The following CR2 variants were observed in gnomAD, a reference collection of about 807,000 sequenced individuals.
The protein encoded by CR2 is complement C3d receptor 2.
A neutral mutation model predicts 123.0 loss-of-function variants in CR2; 96 were observed. The ratio of observed to expected loss-of-function variants is 0.78; its 90% CI spans 0.66 to 0.93. The LOEUF is 0.93. Among genes scored for constraint, CR2 ranks in the 40% least tolerant of loss-of-function variants. The pLI is 0.00. For missense variants in CR2, 1,258 were observed against 1,361.0 expected (o/e 0.92, Z 1.19); for synonymous variants, 484 against 469.5 (o/e 1.03, Z -0.40).
chr1:207,479,419 A>G (rs891353769), intron 17 of CR2, 139 bp downstream of exon 17: 31 of 658,768 alleles, frequency 4.7e-5, no homozygotes, highest in South Asian at 3.8e-4. Flanking sequence ...AAGATACTTC[A>G]ATGTACATGT....
Position 207,466,256 on chromosome 1 carries a change from T to C in CR2, c.59-270T>C, listed in dbSNP as rs375722280. On this transcript the variant is annotated intron_variant, in intron 1 of 19. Transcript: ENST00000367057. ...GTGCTGAATTTGCCTTTTGTTTCAT[T>C]ATTAAAATTGATTAGACTCAGAACT... Among the ~76,000 whole-genome samples the C allele has an allele frequency of 1.1e-4, 16 of 152,320 alleles. 1 individual carries two copies. Among genetic ancestry groups the C allele is most frequent in the Admixed American group, 4.6e-4 (7 of 15,288 alleles).
chr1:207,483,684 G>A (rs887714765), intron 18 of CR2, among the ~76,000 whole-genome samples: 23 of 152,030 alleles, frequency 1.5e-4, no homozygotes, highest in Non-Finnish European at 2.9e-5. Context: ...CACATAGAAT[G>A]GCTCACATGA....
rs867299711 is a variant in CR2 at position 207,489,850 on chromosome 1, G to C, written c.*727G>C. On this transcript the variant is annotated 3_prime_UTR_variant, in exon 20 of 20. Transcript: ENST00000367057. Reference sequence around the variant, plus strand: ...CTTGTAAAATTTCACTTAATAATGTGTACATTAGTCATTCAATAAATTGTA... The same window carrying C: ...CTTGTAAAATTTCACTTAATAATGTCTACATTAGTCATTCAATAAATTGTA... 1 of 151,786 alleles carries C rather than the reference G, an allele frequency of 6.6e-6. No individual in the cohort carries two copies. 9.4% of individuals were successfully genotyped at this position (151,786 alleles called of 1,614,324 possible). A position where few individuals can be genotyped will look rare whatever the true frequency, so the allele number is the denominator to read the frequency against.
chr1:207,474,379 G>A (rs1228934524), intron 13 of CR2, 56 bp downstream of exon 13: 18 of 1,296,306 alleles, frequency 1.4e-5, no homozygotes, highest in Non-Finnish European at 5.6e-6. Flanking sequence ...GAGAGGGCAG[G>A]CCACTGAAGA....
chr1:207,472,991 T>G lies in CR2; in HGVS notation c.1790T>G (p.Leu597Arg). ...SGPAPLCKLS[L>R]LAVQCSHVHI... The stretch of plus-strand genomic sequence containing the variant: ...CCTGCTCCCCTGTGTAAACTTTCCC[T>G]CCTTGCTGTCCAGTGCTCACATGTC... Residue 597 changes from leucine to arginine, a missense_variant, in exon 10 of 20, where the codon CTC becomes CGC. Coordinates refer to ENST00000367057, the MANE Select transcript of CR2 (RefSeq NM_001006658.3). The G allele has an allele frequency of 6.2e-7, 1 of 1,614,012 alleles. No individual in the cohort carries two copies. Among genetic ancestry groups the G allele is most frequent in the Non-Finnish European group, 8.5e-7 (1 of 1,179,942 alleles).
intron 10 of CR2, 92 bp downstream of exon 10, chr1:207,473,271 AAG>A (rs1658340432): frequency 6.9e-7 from 1 of 1,448,302 alleles, no homozygotes; most frequent in Non-Finnish European, 9.5e-7. Context: ...GGAAAGAGGC[AAG>A]AGGGGCACAG....
In CR2 at chr1:207,477,678, G is replaced by C. The variant is rs115910191; in HGVS notation, c.2903-207G>C. On this transcript the variant is annotated intron_variant, in intron 15 of 19. Coordinates refer to ENST00000367057, the MANE Select transcript of CR2 (RefSeq NM_001006658.3). ...GAAGCAAAAAACACAAATATAATCT[G>C]GCTTAAATTACCCAGAGGTTATTGA... 3.7e-3 allele frequency among the ~76,000 whole-genome samples: 563 copies of C among 152,180 alleles called. 4 individuals carry two copies. The highest frequency in any genetic ancestry group is 0.013 in the African/African-American group (554 of 41,494).
rs1381989049 is a variant in CR2, at chr1:207,489,371, G to A, written c.*248G>A. On this transcript the variant is annotated 3_prime_UTR_variant, in exon 20 of 20. Transcript: ENST00000367057. ...AAGCCTCACTTATGAGATGCCTGAA[G>A]CCAGGCCATGGCTATAAACAATTAC... 18 of 152,236 alleles carry A rather than the reference G, an allele frequency of 1.2e-4. No homozygotes were observed. The allele number at this position is 152,236 out of a possible 1,614,324, so 9.4% of individuals were successfully genotyped here.
At chr1:207,473,517 T>C (rs1367233331) in intron 10 of CR2, 28 bp from the exon 11 acceptor site, 1 of 1,602,280 alleles carries the variant, frequency 6.2e-7, no homozygotes, top group Non-Finnish European at 8.6e-7. Context: ...TCTGTGTTGG[T>C]ATTTATGTAG....
In CR2 at chr1:207,486,570, G is replaced by C. The variant is rs975589976; in HGVS notation, c.*18+998G>C. Among the ~76,000 whole-genome samples the C allele has an allele frequency of 4.8e-4, 3 of 6,252 alleles. No individual in the cohort carries two copies. In the Admixed American group the frequency reaches 6.4e-3, roughly 13 times the overall value. 4.1% of individuals were successfully genotyped at this position (6,252 alleles called of 152,430 possible). The stretch of plus-strand genomic sequence containing the variant: ...GAGCAACACATTCACCTTAACTGCT[G>C]TGTTAAGAACAGACTGTAGGAAGCC... On this transcript the variant is annotated intron_variant, in intron 19 of 19. Coordinates refer to ENST00000367057, the MANE Select transcript of CR2 (RefSeq NM_001006658.3).
Position 207,454,555 on chromosome 1 carries a change from G to A in CR2, c.58+79G>A. Reference sequence around the variant, plus strand: ...TTCTGTGCCGCGATGCAAAGCAGGGGGCCAAAAGCGAGACGGTGGGGGCAG... The same window carrying A: ...TTCTGTGCCGCGATGCAAAGCAGGGAGCCAAAAGCGAGACGGTGGGGGCAG... On this transcript the variant is annotated intron_variant, in intron 1 of 19. Coordinates refer to ENST00000367057, the MANE Select transcript of CR2 (RefSeq NM_001006658.3). The surrounding 1 kb of genome is among the most constrained non-coding windows in gnomAD (Gnocchi z 4.3). The A allele has an allele frequency of 8.7e-7, 1 of 1,153,038 alleles. No homozygotes were observed. Among genetic ancestry groups the A allele is most frequent in the Non-Finnish European group, 1.2e-6 (1 of 830,258 alleles). 71.4% of individuals were successfully genotyped at this position (1,153,038 alleles called of 1,614,324 possible).
chr1:207,479,924 A>G (rs2102311301), intron 17 of CR2, 54 bp from the exon 18 acceptor site: 1 of 1,342,258 alleles, frequency 7.5e-7, no homozygotes, highest in Non-Finnish European at 1.1e-6. Context: ...ATCAGTCAGA[A>G]CAATGTAGGT....
chr1:207,466,982 C>T (rs1658119592), intron 2 of CR2, 70 bp downstream of exon 2: 1 of 1,493,246 alleles, frequency 6.7e-7, no homozygotes, highest in Admixed American at 2.3e-5. Context: ...CGTTTTGTAC[C>T]CTCCTGAAGG....
chr1:207,478,206 T>C, intron 16 of CR2, 136 bp downstream of exon 16: 1 of 958,374 alleles, frequency 1.0e-6, no homozygotes, highest in Non-Finnish European at 1.6e-6. Flanking sequence ...CAGAGGAACT[T>C]GAAGTCAGTG....
intron 17 of CR2, 43 bp from the exon 18 acceptor site, chr1:207,479,935 G>C (rs528632064): frequency 7.0e-7 from 1 of 1,431,840 alleles, no homozygotes; most frequent in Admixed American, 1.7e-5. Context: ...CAATGTAGGT[G>C]ATCGTCTTCT....
rs950107814 is a variant in CR2 at position 207,485,196 on chromosome 1, G to A, written c.3189-268G>A. ...ACACTGGGACCTTTCACAGGGTTGG[G>A]GGTTAGGGGAGGGATAGTATTAGGA... On this transcript the variant is annotated intron_variant, in intron 18 of 19. Transcript: ENST00000367057. Among the ~76,000 whole-genome samples, 8 of 152,196 alleles carry A rather than the reference G, an allele frequency of 5.3e-5. No homozygotes were observed. In the East Asian group the frequency reaches 1.5e-3, roughly 29 times the overall value.
At chr1:207,487,672 C>T (rs1658787512) in intron 19 of CR2, among the ~76,000 whole-genome samples, 1 of 152,006 alleles carries the variant, frequency 6.6e-6, no homozygotes, top group Non-Finnish European at 1.5e-5. Flanking sequence ...GCAGTTATGC[C>T]CTATTCCTAC....
chr1:207,474,487 C>A (rs912067532), intron 13 of CR2, among the ~76,000 whole-genome samples, 164 bp downstream of exon 13: 1 of 152,150 alleles, frequency 6.6e-6, no homozygotes, highest in Non-Finnish European at 1.5e-5. Context: ...CACTGAGAAA[C>A]AACATTGTCA....
At position 207,468,882 on chromosome 1, in the gene CR2, C is replaced by CT. The variant is rs749636258; in HGVS notation, c.722dup (p.Cys242LeufsTer2). On this transcript the variant is annotated frameshift_variant, in exon 4 of 20. Transcript: ENST00000367057. LOFTEE classifies it high-confidence loss of function. Reference sequence around the variant, plus strand: ...TTCTCCGGGTTGGTGTAACTGCAAACTTTTTCTGTGATGAAGGGTGAGTGT... The same window carrying CT: ...TTCTCCGGGTTGGTGTAACTGCAAACTTTTTTCTGTGATGAAGGGTGAGTGT... 1 of 1,613,872 alleles carries CT rather than the reference C, an allele frequency of 6.2e-7. No individual in the cohort carries two copies. The highest frequency in any genetic ancestry group is 2.2e-5 in the East Asian group (1 of 44,880).
Sources: gnomAD v4.1 joint callset for allele counts (sites outside exome capture counted in the v4.1 genomes callset) on GRCh38, gnomAD v4.1.1 for gene constraint, Gnocchi (gnomAD v3.1) non-coding constraint, MANE v1.5 for transcripts, NCBI Gene and HGNC (gene_info 2026-07-23, HGNC 2026-07-21) for gene names.